The following KDM4C variants were observed in gnomAD, a reference collection of about 807,000 sequenced individuals.
The protein encoded by KDM4C is lysine-specific demethylase 4C.
In KDM4C, 81 loss-of-function variants were observed where a neutral mutation model predicts 129.3. The observed-to-expected ratio is 0.63, with a 90% CI of 0.52 to 0.75. The LOEUF is 0.75. Among genes scored for constraint, KDM4C ranks in the 30% least tolerant of loss-of-function variants. The probability of loss-of-function intolerance (pLI) is 0.00; values close to 1 mark genes in which losing one functional copy is unlikely to be tolerated. For missense variants in KDM4C, 1,457 were observed against 1,304.0 expected (o/e 1.12, Z -1.81); for synonymous variants, 573 against 456.1 (o/e 1.26, Z -3.26).
At chr9:7,152,087 T>G (rs1044783637) in intron 19 of KDM4C, among the ~76,000 whole-genome samples, 1 of 152,246 alleles carries the variant, frequency 6.6e-6, no homozygotes, top group Non-Finnish European at 1.5e-5. Flanking sequence ...ATTAGATTTA[T>G]TTACTGCACT....
intron 1 of KDM4C, among the ~76,000 whole-genome samples, chr9:6,752,352 A>AC: frequency 6.7e-6 from 1 of 148,462 alleles, no homozygotes; most frequent in Non-Finnish European, 1.5e-5. Flanking sequence ...AAAAAAAAAA[A>AC]AAAAAAAAAT....
chr9:7,088,874 A>G (rs1207968010), intron 17 of KDM4C, among the ~76,000 whole-genome samples: 2 of 152,198 alleles, frequency 1.3e-5, no homozygotes, highest in Middle Eastern at 3.2e-3. Flanking sequence ...AGCTGTTTCC[A>G]TAGCAGCTTG....
At chr9:6,808,344 C>T (rs899906798) in intron 3 of KDM4C, among the ~76,000 whole-genome samples, 6 of 71,696 alleles carry the variant, frequency 8.4e-5, no homozygotes, top group Non-Finnish European at 1.5e-4. Flanking sequence ...TTTTGTTCTG[C>T]ACTAAGAAAA....
chr9:6,779,032 C>A (rs867674402), intron 1 of KDM4C, among the ~76,000 whole-genome samples: 1 of 94,630 alleles, frequency 1.1e-5, no homozygotes, highest in African/African-American at 5.2e-5. Context: ...TGATTAAAGT[C>A]TTTTTTTTTT....
intron 15 of KDM4C, among the ~76,000 whole-genome samples, chr9:7,031,130 GTTTATTTATTTATTTA>G (rs57636781): frequency 2.5e-4 from 35 of 141,162 alleles, no homozygotes; most frequent in African/African-American, 5.8e-4. Context: ...TATTTTACTT[GTTTATTTATTTATTTA>G]TTTATTTATT....
intron 12 of KDM4C, among the ~76,000 whole-genome samples, chr9:6,997,042 G>C (rs1196902748): frequency 1.3e-5 from 2 of 152,180 alleles, no homozygotes; most frequent in Non-Finnish European, 2.9e-5. Context: ...ATGAGGGTCA[G>C]TCGGCTCCAG....
chr9:7,007,952 C>A (rs1821986482), intron 12 of KDM4C, among the ~76,000 whole-genome samples: 2 of 152,082 alleles, frequency 1.3e-5, no homozygotes, highest in South Asian at 4.2e-4. Flanking sequence ...TGTCCCCTGG[C>A]AGAAACATCG....
chr9:6,761,034 C>G (rs959047015), intron 1 of KDM4C, among the ~76,000 whole-genome samples: 1 of 144,332 alleles, frequency 6.9e-6, no homozygotes, highest in East Asian at 2.0e-4. Flanking sequence ...CGGAATCTCG[C>G]TCTGTTGTCC....
chr9:7,005,271 A>C (rs1821451652), intron 12 of KDM4C, among the ~76,000 whole-genome samples: 1 of 152,124 alleles, frequency 6.6e-6, no homozygotes, highest in African/African-American at 2.4e-5. Context: ...CCCCATCTCT[A>C]CTAAAAATAC....
At chr9:6,790,315 A>G (rs1000511837) in intron 1 of KDM4C, among the ~76,000 whole-genome samples, 2 of 148,976 alleles carry the variant, frequency 1.3e-5, no homozygotes, top group Non-Finnish European at 3.0e-5. Context: ...ATCTGGGCTC[A>G]CTCACTGCAA....
rs1213102679 is a variant in KDM4C at position 7,103,618 on chromosome 9, G to A, written c.2425-67G>A. The A allele has an allele frequency of 1.3e-5, 14 of 1,053,504 alleles. No homozygotes were observed. The East Asian group carries it at 3.5e-4, about 26-fold the overall frequency. The allele number at this position is 1,053,504 out of a possible 1,614,324, so 65.3% of individuals were successfully genotyped here. A position where few individuals can be genotyped will look rare whatever the true frequency, so the allele number is the denominator to read the frequency against. On this transcript the variant is annotated intron_variant, in intron 17 of 21. Coordinates refer to ENST00000381309, the MANE Select transcript of KDM4C (RefSeq NM_015061.6). ...TTTCTTCTCTAGTAGCTATTGTTCTGTAAATTGTGGGAACTGACTGGGTTA... is the reference window on the plus strand; with the variant it reads ...TTTCTTCTCTAGTAGCTATTGTTCTATAAATTGTGGGAACTGACTGGGTTA...
intron 4 of KDM4C, among the ~76,000 whole-genome samples, chr9:6,840,192 C>T (rs555585636): frequency 3.0e-4 from 46 of 151,770 alleles, no homozygotes; most frequent in Non-Finnish European, 6.0e-4. Flanking sequence ...TCTACCTCAG[C>T]CTCCTGAGTA....
At chr9:6,973,345 C>A (rs1021403537) in intron 8 of KDM4C, among the ~76,000 whole-genome samples, 1 of 152,082 alleles carries the variant, frequency 6.6e-6, no homozygotes, top group Non-Finnish European at 1.5e-5. Flanking sequence ...GCACCCAGCC[C>A]CTGACCATAT....
chr9:6,754,879 G>GT (rs1270710856), upstream of KDM4C, among the ~76,000 whole-genome samples: 1 of 51,072 alleles, frequency 2.0e-5, no homozygotes, highest in Non-Finnish European at 3.8e-5. Context: ...CTGTCTCAAA[G>GT]TAAAAAAAAA....
intron 18 of KDM4C, among the ~76,000 whole-genome samples, chr9:7,112,781 T>G (rs6477157): frequency 0.044 from 6,707 of 152,254 alleles, 442 homozygotes; most frequent in African/African-American, 0.15. Context: ...CTCCTTTTCA[T>G]AAAGTGAACC....
rs115036156 is a variant in KDM4C at position 7,066,480 on chromosome 9, G to T, written c.2424+17280G>T. ...TTCCTAATGTCAGGATATTTACATA[G>T]TATAGATCATTTAAACAAATATACT... On this transcript the variant is annotated intron_variant, in intron 17 of 21. Transcript: ENST00000381309. 4.9e-3 allele frequency among the ~76,000 whole-genome samples: 749 copies of T among 152,270 alleles called. 5 individuals carry two copies. Among genetic ancestry groups the T allele is most frequent in the African/African-American group, 0.017 (714 of 41,546 alleles).
At chr9:6,918,954 C>T (rs551646844) in intron 8 of KDM4C, among the ~76,000 whole-genome samples, 6 of 151,980 alleles carry the variant, frequency 3.9e-5, no homozygotes, top group African/African-American at 1.5e-4. Context: ...TGGGTTCAAG[C>T]GATTCTCCTG....
At chr9:7,070,064 G>A (rs1832986084) in intron 17 of KDM4C, among the ~76,000 whole-genome samples, 1 of 152,108 alleles carries the variant, frequency 6.6e-6, no homozygotes, top group Admixed American at 6.6e-5. Flanking sequence ...GGGGAAAAGG[G>A]AACAACAAAC....
intron 19 of KDM4C, among the ~76,000 whole-genome samples, chr9:7,157,461 G>C (rs899418426): frequency 6.6e-6 from 1 of 152,124 alleles, no homozygotes. Flanking sequence ...TCCAGTTTTT[G>C]TCCATTCATT....
Sources: gnomAD v4.1 joint callset for allele counts (sites outside exome capture counted in the v4.1 genomes callset) on GRCh38, gnomAD v4.1.1 for gene constraint, MANE v1.5 for transcripts, NCBI Gene and HGNC (gene_info 2026-07-23, HGNC 2026-07-21) for gene names.